NADSYN1: variants seen among roughly 807,000 people sequenced by gnomAD.
The protein encoded by NADSYN1 is NAD synthetase 1, also known as glutamine-dependent NAD(+) synthetase.
NADSYN1 carries 80 observed loss-of-function variants against 99.3 expected under a neutral mutation model. The observed-to-expected ratio is 0.81, with a 90% CI of 0.67 to 0.97. NADSYN1 has a LOEUF of 0.97. NADSYN1 is among the 50% of genes least tolerant of loss of function. The pLI is 0.00. For missense variants in NADSYN1, 859 were observed against 948.5 expected (o/e 0.91, Z 1.24); for synonymous variants, 385 against 372.1 (o/e 1.03, Z -0.40).
rs549307782 is a variant in NADSYN1 at position 71,495,978 on chromosome 11, G to A, written c.1765-1505G>A. 1.1e-4 allele frequency among the ~76,000 whole-genome samples: 16 copies of A among 152,302 alleles called. No individual in the cohort carries two copies. In the South Asian group the frequency reaches 3.1e-3, roughly 30 times the overall value. ...TGGCTTGAAGCATTTGTTGCCTGGCGCTGTGATAGTGATACCAGCGGCACC... is the reference window on the plus strand; with the variant it reads ...TGGCTTGAAGCATTTGTTGCCTGGCACTGTGATAGTGATACCAGCGGCACC... On this transcript the variant is annotated intron_variant, in intron 18 of 20. Transcript: ENST00000319023.
intron 18 of NADSYN1, 27 bp from the exon 19 acceptor site, chr11:71,497,456 C>T (rs1433028044): frequency 6.2e-7 from 1 of 1,613,768 alleles, no homozygotes; most frequent in African/African-American, 1.3e-5. Context: ...TTGCTGTCAT[C>T]ATGGAACAGA....
intron 9 of NADSYN1, chr11:71,476,875 AGTT>A (rs1436716363): frequency 1.2e-4 from 123 of 986,862 alleles, no homozygotes; most frequent in Non-Finnish European, 1.4e-4. Flanking sequence ...AGCACCAGGC[AGTT>A]GTTTCGTGCA....
At chr11:71,481,549 T>C (rs1368850172) in intron 12 of NADSYN1, 145 bp downstream of exon 12, 5 of 830,960 alleles carry the variant, frequency 6.0e-6, no homozygotes, top group Admixed American at 2.7e-5. Context: ...ATGGGGAGCT[T>C]AGTCTGTGCT....
At position 71,474,309 on chromosome 11, in the gene NADSYN1, C is replaced by T. The variant is rs570122027; in HGVS notation, c.667-86C>T. 23 of 1,560,204 alleles carry T rather than the reference C, an allele frequency of 1.5e-5. No homozygotes were observed. In the South Asian group the frequency reaches 2.3e-4, roughly 16 times the overall value. ...CCACTCAGGATGACCTAGCGGGACT[C>T]GGCGGAGGTTCCTGTACTTGGGCAG... On this transcript the variant is annotated intron_variant, in intron 8 of 20. Transcript: ENST00000319023.
chr11:71,481,080 C>T, intron 11 of NADSYN1: 1 of 733,666 alleles, frequency 1.4e-6, no homozygotes, highest in South Asian at 1.9e-5. Context: ...CTGCTGCTTC[C>T]CCGTGCTGTG....
At chr11:71,491,782 T>C in intron 17 of NADSYN1, 52 bp from the exon 18 acceptor site, 1 of 1,556,658 alleles carries the variant, frequency 6.4e-7, no homozygotes, top group Non-Finnish European at 8.8e-7. Context: ...CTCCCAGAGC[T>C]CACACCACCC....
chr11:71,482,132 G>A (rs1298125772), intron 13 of NADSYN1, 107 bp downstream of exon 13: 15 of 947,534 alleles, frequency 1.6e-5, no homozygotes, highest in South Asian at 1.1e-4. Context: ...CATGGACATC[G>A]GGGTGAAGGG....
chr11:71,458,443 G>A lies in NADSYN1; in HGVS notation c.162G>A (p.Trp54Ter), dbSNP rs1490542584. Residue 54 changes from tryptophan (W) to a stop codon, truncating the protein, a stop_gained, in exon 3 of 21, where the codon TGG becomes TGA. Transcript: ENST00000319023. LOFTEE classifies it high-confidence loss of function. The stretch of plus-strand genomic sequence containing the variant: ...GTCTCTGCAGCGGCTACGGATGTTG[G>A]GATCATTATTACGAGTCGGACACCC... Reference protein sequence around the residue: ...PELEICGYGCWDHYYESDTLL... With the variant: ...PELEICGYGC 6.2e-7 allele frequency: 1 copy of A among 1,613,844 alleles called. No individual in the cohort carries two copies. The highest frequency in any genetic ancestry group is 8.5e-7 in the Non-Finnish European group (1 of 1,179,772).
intron 5 of NADSYN1, among the ~76,000 whole-genome samples, chr11:71,464,757 C>T (rs1239891748): frequency 6.6e-6 from 1 of 150,834 alleles, no homozygotes; most frequent in Non-Finnish European, 1.5e-5. Context: ...GTCCCAGCTA[C>T]TCGGGAGGCT....
intron 18 of NADSYN1, among the ~76,000 whole-genome samples, chr11:71,494,534 A>AGTTCT (rs1555152376): frequency 1.4e-5 from 1 of 72,334 alleles, no homozygotes; most frequent in Non-Finnish European, 3.5e-5. Context: ...TGATCCAAAA[A>AGTTCT]TTTCTTTTGT....
At chr11:71,498,660 G>T in intron 20 of NADSYN1, 132 bp downstream of exon 20, 1 of 980,686 alleles carries the variant, frequency 1.0e-6, no homozygotes, top group Non-Finnish European at 1.5e-6. Flanking sequence ...TTCTGCAAAG[G>T]GACAAGTATG....
chr11:71,459,360 C>G (rs138650021), intron 3 of NADSYN1, among the ~76,000 whole-genome samples: 1 of 150,498 alleles, frequency 6.6e-6, no homozygotes, highest in Non-Finnish European at 1.5e-5. Context: ...GGCCTCTGCT[C>G]ACGCTGTGCT....
intron 5 of NADSYN1, among the ~76,000 whole-genome samples, chr11:71,469,482 G>A (rs1949613433): frequency 6.6e-6 from 1 of 152,200 alleles, no homozygotes; most frequent in African/African-American, 2.4e-5. Context: ...AGAGCTGAGA[G>A]CCATGAACAG....
At chr11:71,461,038 G>T (rs1219586707) in intron 3 of NADSYN1, 1 of 152,138 alleles carries the variant, frequency 6.6e-6, no homozygotes, top group Non-Finnish European at 1.5e-5. Context: ...TAGTTACCTG[G>T]TTTTTTGCCT....
chr11:71,467,820 A>C (rs1448977469), intron 5 of NADSYN1, among the ~76,000 whole-genome samples: 3 of 152,234 alleles, frequency 2.0e-5, no homozygotes, highest in African/African-American at 7.2e-5. Context: ...GAAAATGGAA[A>C]CATCCATAAG....
At chr11:71,462,229 C>T (rs935628488) in intron 3 of NADSYN1, among the ~76,000 whole-genome samples, 2 of 152,178 alleles carry the variant, frequency 1.3e-5, no homozygotes, top group African/African-American at 2.4e-5. Flanking sequence ...AGCATCAACA[C>T]AGACCTTAAG....
At chr11:71,469,874 T>C (rs1949615561) in intron 5 of NADSYN1, among the ~76,000 whole-genome samples, 1 of 137,586 alleles carries the variant, frequency 7.3e-6, no homozygotes, top group Non-Finnish European at 1.5e-5. Context: ...TGCAGCAAAC[T>C]GTGATTGTGC....
At chr11:71,487,298 C>T (rs545446684) in intron 16 of NADSYN1, among the ~76,000 whole-genome samples, 47 of 152,158 alleles carry the variant, frequency 3.1e-4, no homozygotes, top group African/African-American at 9.6e-4. Context: ...AGGGGTGTGA[C>T]GGCTGGTGTA....
In NADSYN1 at chr11:71,497,515, G is replaced by A. The variant is rs755739863; in HGVS notation, c.1797G>A (p.Ser599=). The change falls in exon 19 of 21, where the codon TCG becomes TCA. Residue 599 remains serine, a synonymous_variant. Transcript: ENST00000319023. ...EDMGMTYAEL[S]VYGKLRKVAK... ...TGGGGATGACATATGCGGAGCTCTC[G>A]GTCTATGGGAAACTCAGGAAGGTGG... is the stretch of plus-strand genomic sequence containing the variant. The A allele has an allele frequency of 3.5e-5, 56 of 1,614,074 alleles. No individual in the cohort carries two copies. The highest frequency in any genetic ancestry group is 5.5e-5 in the South Asian group (5 of 91,072).
Sources: gnomAD v4.1 joint callset for allele counts (sites outside exome capture counted in the v4.1 genomes callset) on GRCh38, gnomAD v4.1.1 for gene constraint, MANE v1.5 for transcripts, NCBI Gene and HGNC (gene_info 2026-07-23, HGNC 2026-07-21) for gene names.